The following CAB39 variants were observed in gnomAD, a reference collection of about 807,000 sequenced individuals.
The protein encoded by CAB39 is calcium-binding protein 39.
A neutral mutation model predicts 40.0 loss-of-function variants in CAB39; 8 were observed. The ratio of observed to expected loss-of-function variants is 0.20; its 90% CI spans 0.12 to 0.36. The LOEUF (loss-of-function observed/expected upper bound fraction) is 0.36. Ranked by LOEUF, CAB39 falls within the 10% of genes least tolerant of loss-of-function variation. The probability of loss-of-function intolerance (pLI) is 1.00; values close to 1 mark genes in which losing one functional copy is unlikely to be tolerated. For missense variants in CAB39, 270 were observed against 401.1 expected (o/e 0.67, Z 2.79); for synonymous variants, 156 against 141.6 (o/e 1.10, Z -0.72).
intron 8 of CAB39, 60 bp downstream of exon 8, chr2:230,817,957 G>T (rs556351567): frequency 2.1e-6 from 3 of 1,437,362 alleles, no homozygotes; most frequent in African/African-American, 1.5e-5. Context: ...TCTTTCATTC[G>T]CAAATAACGG....
rs1438925168 is a variant in CAB39, at chr2:230,743,383, A to G, written c.-43-16576A>G. Among the ~76,000 whole-genome samples the G allele has an allele frequency of 9.2e-5, 14 of 152,230 alleles. 1 individual carries two copies. The highest frequency in any genetic ancestry group is 1.5e-5 in the Non-Finnish European group (1 of 68,032). On this transcript the variant is annotated intron_variant, in intron 1 of 8. Coordinates refer to ENST00000258418, the MANE Select transcript of CAB39 (RefSeq NM_016289.4). ...AGTTAAAAAGCAATCTGTGCATTGGAAAAATGCTGTGATGACCCCCTACTG... is the reference window on the plus strand; with the variant it reads ...AGTTAAAAAGCAATCTGTGCATTGGGAAAATGCTGTGATGACCCCCTACTG...
chr2:230,737,864 AC>A (rs1694813890), intron 1 of CAB39, among the ~76,000 whole-genome samples: 1 of 152,230 alleles, frequency 6.6e-6, no homozygotes, highest in African/African-American at 2.4e-5. Context: ...TGATGTCAAC[AC>A]TTACCTGGAA....
chr2:230,754,625 C>T (rs1221712193), intron 1 of CAB39, among the ~76,000 whole-genome samples: 3 of 152,064 alleles, frequency 2.0e-5, no homozygotes, highest in African/African-American at 7.2e-5. Flanking sequence ...TTTAAGCAGT[C>T]CTCCTGCCTC....
intron 7 of CAB39, among the ~76,000 whole-genome samples, 170 bp from the exon 8 acceptor site, chr2:230,817,584 G>T (rs1156683155): frequency 6.6e-6 from 1 of 152,188 alleles, no homozygotes; most frequent in Non-Finnish European, 1.5e-5. Flanking sequence ...CATTCAGGTG[G>T]CAGAGAGAAG....
At chr2:230,814,356 A>G (rs577295423) in intron 7 of CAB39, among the ~76,000 whole-genome samples, 47 of 152,228 alleles carry the variant, frequency 3.1e-4, no homozygotes, top group Non-Finnish European at 4.4e-4. Flanking sequence ...AGAAGACTTC[A>G]TCTCCTAGCA....
rs116234641 is a variant in CAB39, at chr2:230,720,325, G to C, written c.-44+7095G>C. Among the ~76,000 whole-genome samples, 611 of 152,250 alleles carry C rather than the reference G, an allele frequency of 4.0e-3. 1 individual carries two copies. The highest frequency in any genetic ancestry group is 0.014 in the African/African-American group (561 of 41,534). On this transcript the variant is annotated intron_variant, in intron 1 of 8. Coordinates refer to ENST00000258418, the MANE Select transcript of CAB39 (RefSeq NM_016289.4). ...GGTGGCATCCTGGCTTAGATCACAG[G>C]GTTCTTTGCAGCTCGGGATTCTATC...
chr2:230,771,249 G>C (rs945748668), intron 2 of CAB39, among the ~76,000 whole-genome samples: 2 of 151,934 alleles, frequency 1.3e-5, no homozygotes, highest in Non-Finnish European at 2.9e-5. Flanking sequence ...GCAATGAACA[G>C]TCCAAAATTG....
intron 7 of CAB39, among the ~76,000 whole-genome samples, chr2:230,816,949 C>A (rs563620861): frequency 1.4e-4 from 22 of 152,328 alleles, no homozygotes; most frequent in Non-Finnish European, 3.1e-4. Context: ...TGGCACCTGC[C>A]CCACTGCCGG....
chr2:230,768,922 A>T (rs1343092745), intron 2 of CAB39, among the ~76,000 whole-genome samples: 3 of 152,248 alleles, frequency 2.0e-5, no homozygotes, highest in Non-Finnish European at 4.4e-5. Flanking sequence ...AATCACATTG[A>T]ATATAAATGG....
At chr2:230,754,485 G>A (rs894841559) in intron 1 of CAB39, among the ~76,000 whole-genome samples, 1 of 114,856 alleles carries the variant, frequency 8.7e-6, no homozygotes, top group Non-Finnish European at 1.8e-5. Context: ...TACTCCTTCC[G>A]CTCCTCTTCC....
At chr2:230,814,872 A>G (rs767337936) in intron 7 of CAB39, among the ~76,000 whole-genome samples, 1 of 152,192 alleles carries the variant, frequency 6.6e-6, no homozygotes, top group East Asian at 1.9e-4. Context: ...AGCAGTCCCA[A>G]CAGGAGATAT....
At chr2:230,732,666 A>G (rs1694714760) in intron 1 of CAB39, among the ~76,000 whole-genome samples, 1 of 151,848 alleles carries the variant, frequency 6.6e-6, no homozygotes, top group Non-Finnish European at 1.5e-5. Context: ...GGGAGAAAAA[A>G]CTCGTGTTTA....
At chr2:230,757,052 G>C (rs143079706) in intron 1 of CAB39, among the ~76,000 whole-genome samples, 254 of 152,220 alleles carry the variant, frequency 1.7e-3, no homozygotes, top group African/African-American at 5.7e-3. Flanking sequence ...CAATGTGTTT[G>C]GATCCTACTG....
chr2:230,715,154 C>T (rs1159719739), intron 1 of CAB39, among the ~76,000 whole-genome samples: 1 of 152,084 alleles, frequency 6.6e-6, no homozygotes, highest in African/African-American at 2.4e-5. Flanking sequence ...TCTTATTAAG[C>T]TTTTCTTGTC....
chr2:230,804,832 A>T (rs1696161141), intron 5 of CAB39, among the ~76,000 whole-genome samples: 1 of 152,236 alleles, frequency 6.6e-6, no homozygotes, highest in African/African-American at 2.4e-5. Context: ...TGTGGAAGAC[A>T]GTGTGGCGAT....
chr2:230,733,791 C>T (rs1694736869), intron 1 of CAB39, among the ~76,000 whole-genome samples: 1 of 152,040 alleles, frequency 6.6e-6, no homozygotes, highest in Non-Finnish European at 1.5e-5. Context: ...CAAATGTTTC[C>T]AAGGGAAATA....
chr2:230,723,910 C>G (rs1184292241), intron 1 of CAB39, among the ~76,000 whole-genome samples: 1 of 152,064 alleles, frequency 6.6e-6, no homozygotes, highest in Non-Finnish European at 1.5e-5. Flanking sequence ...ATAAGAGGTT[C>G]CAATCAGCGT....
intron 8 of CAB39, 23 bp from the exon 9 acceptor site, chr2:230,818,493 C>T (rs748110765): frequency 1.9e-6 from 3 of 1,606,042 alleles, no homozygotes; most frequent in South Asian, 1.1e-5. Context: ...CTCTGTGCCT[C>T]ATGTGCGTTT....
At chr2:230,811,438 C>A in intron 6 of CAB39, among the ~76,000 whole-genome samples, 1 of 152,214 alleles carries the variant, frequency 6.6e-6, no homozygotes, top group African/African-American at 2.4e-5. Flanking sequence ...TATTTCAGCT[C>A]ATGTGTATTT....
Sources: allele counts gnomAD v4.1 joint callset (sites outside exome capture counted in the v4.1 genomes callset), GRCh38; gene constraint gnomAD v4.1.1; transcripts MANE v1.5; gene names NCBI Gene and HGNC (gene_info 2026-07-23, HGNC 2026-07-21).